RSRC1: variants seen among roughly 807,000 people sequenced by gnomAD.
RSRC1 encodes arginine and serine rich coiled-coil 1, also known as serine/Arginine-related protein 53.
Under a neutral mutation model 49.1 loss-of-function variants are expected in RSRC1, and 39 were observed. The observed-to-expected ratio is 0.79, with a 90% CI of 0.61 to 1.04. The LOEUF (loss-of-function observed/expected upper bound fraction) is 1.04, where lower values mean the gene tolerates loss of function less well. RSRC1 is among the 50% of genes least tolerant of loss of function. The probability of loss-of-function intolerance (pLI) is 0.00; values close to 1 mark genes in which losing one functional copy is unlikely to be tolerated. For synonymous variants in RSRC1, 143 were observed against 130.8 expected (o/e 1.09, Z -0.63); for missense variants, 388 against 402.4 (o/e 0.96, Z 0.31).
intron 4 of RSRC1, among the ~76,000 whole-genome samples, chr3:158,238,021 T>A (rs1723338411): frequency 6.6e-6 from 1 of 152,204 alleles, no homozygotes; most frequent in Non-Finnish European, 1.5e-5. Context: ...CAGCAAAGTC[T>A]CAGGATACAA....
At chr3:158,332,581 G>A (rs980396294) in intron 5 of RSRC1, among the ~76,000 whole-genome samples, 2 of 152,032 alleles carry the variant, frequency 1.3e-5, no homozygotes, top group Admixed American at 6.6e-5. Flanking sequence ...AACATACTTT[G>A]TACTTAATTA....
intron 3 of RSRC1, among the ~76,000 whole-genome samples, chr3:158,142,865 C>T (rs1183408394): frequency 6.6e-6 from 1 of 152,144 alleles, no homozygotes; most frequent in Non-Finnish European, 1.5e-5. Context: ...CTCTCTCCCT[C>T]ACTTGTGTCG....
intron 7 of RSRC1, among the ~76,000 whole-genome samples, chr3:158,478,500 C>A (rs771009757): frequency 5.9e-5 from 9 of 151,778 alleles, no homozygotes; most frequent in Non-Finnish European, 1.2e-4. Flanking sequence ...AAATGGAATT[C>A]TGACTATTAT....
intron 6 of RSRC1, among the ~76,000 whole-genome samples, chr3:158,374,567 T>G (rs183365797): frequency 6.6e-6 from 1 of 152,142 alleles, no homozygotes; most frequent in Admixed American, 6.5e-5. Flanking sequence ...GATGGGAAAT[T>G]TATACATACA....
At chr3:158,283,244 G>A (rs574652373) in intron 4 of RSRC1, among the ~76,000 whole-genome samples, 2 of 152,290 alleles carry the variant, frequency 1.3e-5, no homozygotes, top group Non-Finnish European at 2.9e-5. Flanking sequence ...TGAGCTGAAT[G>A]TAGACCCAGA....
chr3:158,490,567 GTAGT>G (rs968612784), intron 7 of RSRC1, among the ~76,000 whole-genome samples: 3 of 152,122 alleles, frequency 2.0e-5, no homozygotes, highest in African/African-American at 2.4e-5. Context: ...CCATTTAGTA[GTAGT>G]TAAATTTTTA....
At chr3:158,204,069 A>G (rs1252414308) in intron 4 of RSRC1, among the ~76,000 whole-genome samples, 1 of 152,076 alleles carries the variant, frequency 6.6e-6, no homozygotes, top group Non-Finnish European at 1.5e-5. Flanking sequence ...ATTTATTGTA[A>G]TACTTCAATA....
At chr3:158,484,655 T>A (rs1578533151) in intron 7 of RSRC1, among the ~76,000 whole-genome samples, 1 of 152,122 alleles carries the variant, frequency 6.6e-6, no homozygotes, top group East Asian at 1.9e-4. Context: ...AGGTAGAAAT[T>A]TGTAAATCAA....
rs1466299179 is a variant in RSRC1, at chr3:158,399,704, A to G, written c.583+44796A>G. 2.6e-5 allele frequency among the ~76,000 whole-genome samples: 4 copies of G among 152,140 alleles called. No individual in the cohort carries two copies. The East Asian group carries it at 7.7e-4, about 29-fold the overall frequency. Reference sequence around the variant, plus strand: ...TTGGACAGCAGAGATAATTTAGCACATTTTCATCATTGCAGAAAGCCCTAG... The same window carrying G: ...TTGGACAGCAGAGATAATTTAGCACGTTTTCATCATTGCAGAAAGCCCTAG... On this transcript the variant is annotated intron_variant, in intron 6 of 9. Transcript: ENST00000611884.
At chr3:158,543,710 C>A in intron 9 of RSRC1, 1 of 412,012 alleles carries the variant, frequency 2.4e-6, no homozygotes, top group Non-Finnish European at 4.2e-6. Flanking sequence ...AGTATTCTGT[C>A]TATGGTTAAG....
intron 2 of RSRC1, among the ~76,000 whole-genome samples, 195 bp from the exon 3 acceptor site, chr3:158,123,671 A>G (rs1224090601): frequency 6.6e-6 from 1 of 152,192 alleles, no homozygotes; most frequent in Non-Finnish European, 1.5e-5. Flanking sequence ...CTTAATTAGT[A>G]CTGATCCAAT....
intron 6 of RSRC1, among the ~76,000 whole-genome samples, chr3:158,451,249 C>T (rs1323106136): frequency 1.3e-5 from 2 of 151,908 alleles, no homozygotes; most frequent in Non-Finnish European, 2.9e-5. Context: ...CCTGCTGAGA[C>T]ATTAAAAATA....
chr3:158,347,260 A>G (rs1401373338), intron 5 of RSRC1, among the ~76,000 whole-genome samples: 2 of 152,204 alleles, frequency 1.3e-5, no homozygotes, highest in Non-Finnish European at 2.9e-5. Context: ...TACCTTATAT[A>G]GAAGACATAG....
intron 4 of RSRC1, among the ~76,000 whole-genome samples, chr3:158,278,550 C>T (rs985195629): frequency 1.3e-5 from 2 of 152,214 alleles, no homozygotes; most frequent in Non-Finnish European, 2.9e-5. Context: ...GTATCTCTGA[C>T]ATCTGTGGAC....
intron 4 of RSRC1, among the ~76,000 whole-genome samples, chr3:158,252,328 AT>A (rs1198243659): frequency 8.5e-6 from 1 of 117,082 alleles, no homozygotes; most frequent in Non-Finnish European, 1.8e-5. Flanking sequence ...CGCCCGGCTA[AT>A]TTTTTGTATT....
intron 7 of RSRC1, among the ~76,000 whole-genome samples, chr3:158,473,126 A>C (rs1182381995): frequency 6.6e-6 from 1 of 152,226 alleles, no homozygotes; most frequent in Non-Finnish European, 1.5e-5. Context: ...TGGATCTAGA[A>C]CTAGAAATAC....
intron 6 of RSRC1, among the ~76,000 whole-genome samples, chr3:158,382,790 G>C (rs964518410): frequency 2.6e-5 from 4 of 152,124 alleles, no homozygotes; most frequent in African/African-American, 9.7e-5. Flanking sequence ...AGATGAATAT[G>C]CAGTATTTTC....
intron 3 of RSRC1, among the ~76,000 whole-genome samples, chr3:158,138,441 G>A (rs1400177515): frequency 6.6e-6 from 1 of 152,154 alleles, no homozygotes; most frequent in East Asian, 1.9e-4. Flanking sequence ...GCAGCGTGAC[G>A]GAAAGATTGA....
At chr3:158,499,075 AT>A (rs1739475482) in intron 7 of RSRC1, among the ~76,000 whole-genome samples, 1 of 151,984 alleles carries the variant, frequency 6.6e-6, no homozygotes, top group African/African-American at 2.4e-5. Flanking sequence ...TTCCATATGA[AT>A]TTTAGAATTG....
Sources: gnomAD v4.1 joint callset for allele counts (sites outside exome capture counted in the v4.1 genomes callset) on GRCh38, gnomAD v4.1.1 for gene constraint, MANE v1.5 for transcripts, NCBI Gene and HGNC (gene_info 2026-07-23, HGNC 2026-07-21) for gene names.